The following ZNF385D variants were observed in gnomAD, a reference collection of about 807,000 sequenced individuals.
ZNF385D encodes the protein zinc finger protein 385D.
Under a neutral mutation model 35.8 loss-of-function variants are expected in ZNF385D, and 15 were observed. The ratio of observed to expected loss-of-function variants is 0.42; its 90% CI spans 0.28 to 0.64. The LOEUF (loss-of-function observed/expected upper bound fraction) is 0.64, where lower values mean the gene tolerates loss of function less well. ZNF385D is among the 30% of genes least tolerant of loss of function. The pLI, the probability that ZNF385D is intolerant of heterozygous loss-of-function variation, is 0.23. For missense variants in ZNF385D, 474 were observed against 494.6 expected (o/e 0.96, Z 0.39); for synonymous variants, 212 against 186.8 (o/e 1.13, Z -1.10).
intron 3 of ZNF385D, among the ~76,000 whole-genome samples, chr3:21,914,214 C>T (rs1247624768): frequency 6.6e-6 from 1 of 152,040 alleles, no homozygotes; most frequent in Non-Finnish European, 1.5e-5. Context: ...TCAAGCATGA[C>T]ATAATGTGGT....
At chr3:22,198,348 T>C (rs145108140) in intron 2 of ZNF385D, among the ~76,000 whole-genome samples, 371 of 152,172 alleles carry the variant, frequency 2.4e-3, no homozygotes, top group African/African-American at 8.2e-3. Context: ...CATATTAGGA[T>C]TGACTTGTGA....
In ZNF385D at chr3:21,622,991, C is replaced by T. The variant is rs908514480; in HGVS notation, c.165+41895G>A. Among the ~76,000 whole-genome samples the T allele has an allele frequency of 3.9e-5, 6 of 152,174 alleles. 1 individual carries two copies. The highest frequency in any genetic ancestry group is 1.9e-4 in the East Asian group (1 of 5,156). ...CACTGAAAAAAAGATGATGCTAAGACGATTTTCTCAACTAGAAGAACAAGT... is the reference window on the plus strand; with the variant it reads ...CACTGAAAAAAAGATGATGCTAAGATGATTTTCTCAACTAGAAGAACAAGT... On this transcript the variant is annotated intron_variant, in intron 2 of 7. Transcript: ENST00000281523.
At chr3:22,327,969 G>A (rs142099632) in intron 2 of ZNF385D, among the ~76,000 whole-genome samples, 1 of 152,216 alleles carries the variant, frequency 6.6e-6, no homozygotes, top group East Asian at 1.9e-4. Context: ...AACATTAAGC[G>A]CCTAATATAT....
At chr3:22,022,995 G>C (rs1697314102) in intron 3 of ZNF385D, among the ~76,000 whole-genome samples, 1 of 152,126 alleles carries the variant, frequency 6.6e-6, no homozygotes, top group Non-Finnish European at 1.5e-5. Context: ...CAAATAAACA[G>C]AACACAAAAT....
intron 3 of ZNF385D, among the ~76,000 whole-genome samples, chr3:22,050,358 TCAAAAAAA>T: frequency 1.3e-5 from 2 of 151,610 alleles, no homozygotes; most frequent in Middle Eastern, 3.4e-3. Context: ...CAAGACTCTG[TCAAAAAAA>T]CAAACAAACA....
intron 3 of ZNF385D, among the ~76,000 whole-genome samples, chr3:22,024,912 T>A (rs551970510): frequency 1.3e-5 from 2 of 152,206 alleles, no homozygotes; most frequent in Non-Finnish European, 2.9e-5. Flanking sequence ...GAGTGAGAGT[T>A]TTATCTCCTG....
At chr3:22,186,324 C>A (rs1434496828) in intron 2 of ZNF385D, among the ~76,000 whole-genome samples, 1 of 152,112 alleles carries the variant, frequency 6.6e-6, no homozygotes, top group East Asian at 1.9e-4. Flanking sequence ...CTTGAATAAA[C>A]ACATCCAGAG....
At chr3:21,455,509 G>T (rs778618573) in intron 4 of ZNF385D, among the ~76,000 whole-genome samples, 4,809 of 145,828 alleles carry the variant, frequency 0.033, no homozygotes, top group African/African-American at 0.13. Flanking sequence ...TTAATAAATG[G>T]TGCTGGGAAA....
intron 3 of ZNF385D, among the ~76,000 whole-genome samples, chr3:21,941,738 C>A (rs985614608): frequency 6.6e-6 from 1 of 151,962 alleles, no homozygotes; most frequent in Non-Finnish European, 1.5e-5. Flanking sequence ...ACCTCGTGAT[C>A]CGCCCACCTC....
chr3:21,690,473 G>T (rs1294661433), intron 1 of ZNF385D, among the ~76,000 whole-genome samples: 5 of 152,152 alleles, frequency 3.3e-5, no homozygotes, highest in African/African-American at 9.7e-5. Flanking sequence ...CTTGCAGAAA[G>T]CATAAGCTGA....
intron 3 of ZNF385D, among the ~76,000 whole-genome samples, chr3:22,139,650 G>A (rs1423870129): frequency 6.6e-6 from 1 of 152,104 alleles, no homozygotes; most frequent in Non-Finnish European, 1.5e-5. Flanking sequence ...AGCATTAGGT[G>A]ATATACCTAA....
intron 1 of ZNF385D, among the ~76,000 whole-genome samples, chr3:21,708,390 T>C (rs1248038182): frequency 6.6e-6 from 1 of 152,190 alleles, no homozygotes; most frequent in Non-Finnish European, 1.5e-5. Flanking sequence ...GCACAGCTCT[T>C]AAGCGGAAGA....
At chr3:22,071,490 A>C (rs1028315239) in intron 3 of ZNF385D, among the ~76,000 whole-genome samples, 3 of 152,180 alleles carry the variant, frequency 2.0e-5, no homozygotes, top group Admixed American at 6.6e-5. Context: ...CTGATGATTA[A>C]ATCAACTACA....
chr3:21,642,317 A>G (rs1031349764), intron 2 of ZNF385D, among the ~76,000 whole-genome samples: 1 of 151,948 alleles, frequency 6.6e-6, no homozygotes, highest in African/African-American at 2.4e-5. Context: ...TATTTAGCCT[A>G]TTAAACCTTC....
intron 4 of ZNF385D, among the ~76,000 whole-genome samples, chr3:21,475,391 TAAA>T (rs1704167249): frequency 6.6e-6 from 1 of 152,096 alleles, no homozygotes; most frequent in Non-Finnish European, 1.5e-5. Context: ...ATGTATGAAA[TAAA>T]AATACATCTG....
At chr3:21,859,798 T>G (rs527537481) in intron 3 of ZNF385D, among the ~76,000 whole-genome samples, 55 of 152,054 alleles carry the variant, frequency 3.6e-4, no homozygotes, top group Non-Finnish European at 7.5e-4. Context: ...TTTGGGAAAC[T>G]TCAAGTTGCT....
chr3:22,306,238 G>A (rs1324079680), intron 2 of ZNF385D, among the ~76,000 whole-genome samples: 2 of 152,084 alleles, frequency 1.3e-5, no homozygotes, highest in Admixed American at 6.6e-5. Context: ...GTGTCAGGGA[G>A]AAGCCTAATC....
rs1239015783 is a variant in ZNF385D at position 21,421,347 on chromosome 3, C to A, written c.1055G>T (p.Ser352Ile). 1.9e-6 allele frequency: 3 copies of A among 1,613,702 alleles called. No homozygotes were observed. The highest frequency in any genetic ancestry group is 2.7e-5 in the African/African-American group (2 of 74,900). ...AAAAAAAVAV[S>I]SPFSLRTAPA... ...AGCAGTTCGAAGACTGAAGGGGGAA[C>A]TCACTGCCACTGCTGCTGCGGCTGC... Residue 352 changes from serine to isoleucine, a missense_variant, in exon 8 of 8, where the codon AGT becomes ATT. Physicochemically the swap from Ser to Ile is moderately radical, Grantham distance 142 (BLOSUM62 -2). Coordinates refer to ENST00000281523, the MANE Select transcript of ZNF385D (RefSeq NM_024697.3).
intron 1 of ZNF385D, among the ~76,000 whole-genome samples, chr3:21,698,642 G>GA (rs61178550): frequency 1.3e-5 from 2 of 150,626 alleles, no homozygotes; most frequent in Admixed American, 6.6e-5. Flanking sequence ...GAATTTCCAA[G>GA]AAAAAAAACA....
Sources: allele counts gnomAD v4.1 joint callset (sites outside exome capture counted in the v4.1 genomes callset), GRCh38; gene constraint gnomAD v4.1.1; transcripts MANE v1.5; gene names NCBI Gene and HGNC (gene_info 2026-07-23, HGNC 2026-07-21).